AGXT: variants seen among roughly 807,000 people sequenced by gnomAD.
AGXT encodes the protein L-alanine: glyoxylate aminotransferase 1.
AGXT carries 41 observed loss-of-function variants against 46.9 expected under a neutral mutation model. The observed-to-expected ratio is 0.88, with a 90% CI of 0.68 to 1.14. The LOEUF is 1.14. AGXT is among the 50% of genes most tolerant of loss of function. The pLI is 0.00. For synonymous variants in AGXT, 244 were observed against 227.9 expected (o/e 1.07, Z -0.64); for missense variants, 525 against 522.7 (o/e 1.00, Z -0.04).
In AGXT at chr2:240,877,617, C is replaced by G. The variant is rs1444506066; in HGVS notation, c.927C>G (p.Leu309=). The change falls in exon 9 of 11, where the codon CTC becomes CTG. Residue 309 remains leucine, a synonymous_variant. Transcript: ENST00000307503. ...HGRLQALGLQ[L]FVKDPALRLP... ...GCCTGCAGGCACTGGGGCTGCAGCT[C>G]TTCGTGAAGGACCCGGTAAGGAGGC... 3.9e-6 allele frequency: 6 copies of G among 1,550,938 alleles called. No individual in the cohort carries two copies. The highest frequency in any genetic ancestry group is 1.7e-4 in the Middle Eastern group (1 of 5,994).
chr2:240,875,951 C>T lies in AGXT; in HGVS notation c.793C>T (p.Pro265Ser), dbSNP rs772638214. ...GTCTTCCAGGTACCATCACACAATC[C>T]CCGTCATCAGCCTGTACAGCCTGAG... ...DQPRMYHHTI[P>S]VISLYSLRES... Residue 265 changes from proline (P) to serine (S), a missense_variant, in exon 8 of 11, where the codon CCC (proline) becomes TCC (serine). Coordinates refer to ENST00000307503, the MANE Select transcript of AGXT (RefSeq NM_000030.3). 1 of 1,614,234 alleles carries T rather than the reference C, an allele frequency of 6.2e-7. No individual in the cohort carries two copies. The highest frequency in any genetic ancestry group is 8.5e-7 in the Non-Finnish European group (1 of 1,180,040).
intron 5 of AGXT, 117 bp downstream of exon 5, chr2:240,873,166 C>G: frequency 1.1e-6 from 1 of 870,680 alleles, no homozygotes; most frequent in Admixed American, 2.0e-5. Context: ...GCCCCATCTC[C>G]ACCAGGCCCA....
intron 10 of AGXT, 99 bp downstream of exon 10, chr2:240,878,249 C>A: frequency 6.5e-7 from 1 of 1,535,494 alleles, no homozygotes; most frequent in Non-Finnish European, 8.8e-7. Flanking sequence ...CGGGGTCATC[C>A]GAAAGCCCAG....
At chr2:240,874,184 C>G in intron 6 of AGXT, 122 bp downstream of exon 6, 1 of 967,884 alleles carries the variant, frequency 1.0e-6, no homozygotes, top group East Asian at 2.6e-5. Context: ...CAGCACCTGG[C>G]GCTCTCCCGC....
rs1318935887 is a variant in AGXT, at chr2:240,868,898, C to T, written c.33C>T (p.Pro11=). 1.9e-6 allele frequency: 3 copies of T among 1,613,130 alleles called. No homozygotes were observed. The highest frequency in any genetic ancestry group is 2.5e-6 in the Non-Finnish European group (3 of 1,179,924). Residue 11 remains proline (P), a synonymous_variant, in exon 1 of 11, where the codon CCC becomes CCT. Coordinates refer to ENST00000307503, the MANE Select transcript of AGXT (RefSeq NM_000030.3). MASHKLLVTP[P]KALLKPLSIP... is the part of the protein sequence containing the mutation. The stretch of plus-strand genomic sequence containing the variant: ...CTCACAAGCTGCTGGTGACCCCCCC[C>T]AAGGCCCTGCTCAAGCCCCTCTCCA...
At chr2:240,877,745 C>T (rs1224102909) in intron 9 of AGXT, 113 bp downstream of exon 9, 6 of 1,250,066 alleles carry the variant, frequency 4.8e-6, no homozygotes, top group South Asian at 4.1e-5. Context: ...GGCGGCTGCC[C>T]GGTGGTGTGG....
intron 4 of AGXT, among the ~76,000 whole-genome samples, chr2:240,871,745 T>C (rs2106428801): frequency 6.6e-6 from 1 of 152,320 alleles, no homozygotes; most frequent in South Asian, 2.1e-4. Context: ...TGCCAGGGCC[T>C]GTCCCCACCT....
At chr2:240,869,131 C>G (rs368849509) in intron 1 of AGXT, 39 bp from the exon 2 acceptor site, 7 of 1,570,316 alleles carry the variant, frequency 4.5e-6, no homozygotes, top group East Asian at 2.3e-5. Context: ...CTTGGGGAGG[C>G]GGGGAGCCTG....
Position 240,872,909 on chromosome 2 carries a change from C to T in AGXT, c.525-70C>T, listed in dbSNP as rs919377253. The T allele has an allele frequency of 3.3e-5, 46 of 1,385,240 alleles. No individual in the cohort carries two copies. The African/African-American group carries it at 6.1e-4, about 18-fold the overall frequency. The allele number at this position is 1,385,240 out of a possible 1,614,324, so 85.8% of individuals were successfully genotyped here. The stretch of plus-strand genomic sequence containing the variant: ...CCTGAGGCTCAGAAACCCCATCCAG[C>T]CTGGGGCCAGGCCCTCCAGTGGCCC... On this transcript the variant is annotated intron_variant, in intron 4 of 10. Transcript: ENST00000307503.
intron 2 of AGXT, among the ~76,000 whole-genome samples, chr2:240,870,150 T>C (rs1458380223): frequency 6.6e-6 from 1 of 152,112 alleles, no homozygotes; most frequent in African/African-American, 2.4e-5. Flanking sequence ...GCACACAGGA[T>C]AGGGCAGAGA....
chr2:240,878,081 C>T lies in AGXT; in HGVS notation c.1002C>T (p.Asp334=), dbSNP rs370897272. ...TACCCGCTGGCTATGACTGGAGAGA[C>T]ATCGTCAGCTACGTCATAGACCACT... The part of the protein sequence containing the change: ...VAVPAGYDWR[D]IVSYVIDHFD... The change falls in exon 10 of 11, where the codon GAC becomes GAT. Residue 334 remains aspartate, a synonymous_variant. Transcript: ENST00000307503. 11 of 1,613,220 alleles carry T rather than the reference C, an allele frequency of 6.8e-6. No individual in the cohort carries two copies. In the African/African-American group the frequency reaches 1.2e-4, roughly 18 times the overall value.
At chr2:240,875,831 G>T in intron 7 of AGXT, 104 bp from the exon 8 acceptor site, 5 of 1,275,628 alleles carry the variant, frequency 3.9e-6, no homozygotes, top group Non-Finnish European at 5.7e-6. Flanking sequence ...ACCGGCCTGT[G>T]GTCAGAGAGC....
At chr2:240,871,762 G>A (rs1284765117) in intron 4 of AGXT, among the ~76,000 whole-genome samples, 1 of 152,162 alleles carries the variant, frequency 6.6e-6, no homozygotes, top group Non-Finnish European at 1.5e-5. Flanking sequence ...ACCTCACCCC[G>A]AGATTGCCAG....
chr2:240,870,674 C>T lies in AGXT; in HGVS notation c.389C>T (p.Pro130Leu). ...CGAGTGCACCCGATGACCAAGGACCCTGGAGGCCACTACACACTGCAGGAG... is the reference window on the plus strand; with the variant it reads ...CGAGTGCACCCGATGACCAAGGACCTTGGAGGCCACTACACACTGCAGGAG... ...GARVHPMTKD[P>L]GGHYTLQEVE... Residue 130 changes from proline to leucine, a missense_variant, in exon 3 of 11, where the codon CCT (proline) becomes CTT (leucine). Pro to Leu is a moderately conservative substitution (Grantham distance 98, BLOSUM62 -3). Transcript: ENST00000307503. The T allele has an allele frequency of 6.4e-7, 1 of 1,556,074 alleles. No individual in the cohort carries two copies. Among genetic ancestry groups the T allele is most frequent in the Non-Finnish European group, 8.7e-7 (1 of 1,149,632 alleles).
At chr2:240,872,084 G>A (rs531898405) in intron 4 of AGXT, among the ~76,000 whole-genome samples, 1 of 152,356 alleles carries the variant, frequency 6.6e-6, no homozygotes, top group Admixed American at 6.5e-5. Context: ...CCCCACCTGC[G>A]GCCAGCACGA....
intron 4 of AGXT, among the ~76,000 whole-genome samples, chr2:240,871,834 G>C (rs1015686925): frequency 1.3e-5 from 2 of 152,236 alleles, no homozygotes; most frequent in Non-Finnish European, 2.9e-5. Context: ...CCCCGCATGG[G>C]GGTGCACAGG....
chr2:240,868,930 A>G lies in AGXT; in HGVS notation c.65A>G (p.Asn22Ser), dbSNP rs34885252. ...CTGCTCAAGCCCCTCTCCATCCCCA[A>G]CCAGCTCCTGCTGGGGCCTGGTCCT... ...KALLKPLSIP[N>S]QLLLGPGPSN... The change falls in exon 1 of 11, where the codon AAC becomes AGC. Residue 22 changes from asparagine (N) to serine (S), a missense_variant. Transcript: ENST00000307503. 13,580 of 1,613,066 alleles carry G rather than the reference A, an allele frequency of 8.4e-3. 415 individuals carry two copies. Among genetic ancestry groups the G allele is most frequent in the East Asian group, 0.077 (3,433 of 44,858 alleles).
At chr2:240,869,797 T>C (rs751881760) in intron 2 of AGXT, among the ~76,000 whole-genome samples, 5 of 152,134 alleles carry the variant, frequency 3.3e-5, no homozygotes, top group African/African-American at 1.2e-4. Flanking sequence ...ATACACAAAA[T>C]ATGGAGGTAT....
rs2106432112 is a variant in AGXT at position 240,878,157 on chromosome 2, G to A, written c.1071+7G>A. ...TGGGCCCTCCACGGGGAAGGTGAGA[G>A]GGAGCGCCTCGAGGGCCTTTTGCAG... On this transcript the variant is annotated splice_region_variant and intron_variant, in intron 10 of 10. Coordinates refer to ENST00000307503, the MANE Select transcript of AGXT (RefSeq NM_000030.3). The A allele has an allele frequency of 1.9e-6, 3 of 1,612,554 alleles. No homozygotes were observed. Among genetic ancestry groups the A allele is most frequent in the East Asian group, 2.2e-5 (1 of 44,862 alleles).
Sources: allele counts gnomAD v4.1 joint callset (sites outside exome capture counted in the v4.1 genomes callset), GRCh38; gene constraint gnomAD v4.1.1; transcripts MANE v1.5; gene names NCBI Gene and HGNC (gene_info 2026-07-23, HGNC 2026-07-21).